The following COL21A1 variants were observed in gnomAD, a reference collection of about 807,000 sequenced individuals.
The protein encoded by COL21A1 is collagen type XXI alpha 1 chain.
Under a neutral mutation model 137.9 loss-of-function variants are expected in COL21A1, and 149 were observed. The ratio of observed to expected loss-of-function variants is 1.08; its 90% confidence interval spans 0.95 to 1.24. The LOEUF (loss-of-function observed/expected upper bound fraction) is 1.24. Ranked by LOEUF, COL21A1 falls within the 50% of genes most tolerant of loss-of-function variation. COL21A1 has a pLI of 0.00. For synonymous variants in COL21A1, 456 were observed against 391.5 expected, an observed-to-expected ratio of 1.16 and a Z score of -1.95; for missense variants, 1,167 against 1,158.4, an observed-to-expected ratio of 1.01 and a Z score of -0.11.
In COL21A1 at chr6:56,168,208, G is replaced by C. The variant is rs759846376; in HGVS notation, c.1116C>G (p.Asn372Lys). Residue 372 changes from asparagine (N) to lysine (K), a missense_variant, in exon 6 of 30, where the codon AAC becomes AAG. Physicochemically the swap from Asn to Lys is moderately conservative, Grantham distance 94 (BLOSUM62 0). Transcript: ENST00000244728. ...TLYIDDQQIE[N>K]KPLHPVLGIL... ...TCCCTAAAACTGGATGTAAGGGCTT[G>C]TTTTCAATTTGTTGGTCATCAATAT... 1 of 1,567,996 alleles carries C rather than the reference G, an allele frequency of 6.4e-7. No homozygotes were observed. Among genetic ancestry groups the C allele is most frequent in the African/African-American group, 1.3e-5 (1 of 74,426 alleles).
At chr6:56,125,492 ACTGCAATTCTAGTTTT>A in intron 14 of COL21A1, 59 bp downstream of exon 14, 1 of 1,003,726 alleles carries the variant, frequency 1.0e-6, no homozygotes, top group African/African-American at 1.6e-5. Context: ...CTGGGTTAGA[ACTGCAATTCTAGTTTT>A]CTGTTTCCAT....
chr6:56,130,285 T>C (rs1438991288), intron 12 of COL21A1, among the ~76,000 whole-genome samples: 1 of 148,890 alleles, frequency 6.7e-6, no homozygotes, highest in Non-Finnish European at 1.5e-5. Flanking sequence ...ATATTATATA[T>C]ATATATTTCC....
At chr6:56,341,601 G>T (rs548852433) in intron 1 of COL21A1, among the ~76,000 whole-genome samples, 2 of 152,270 alleles carry the variant, frequency 1.3e-5, no homozygotes, top group South Asian at 4.1e-4. Context: ...GAATAGGTGG[G>T]GCACAGAGGA....
intron 1 of COL21A1, among the ~76,000 whole-genome samples, chr6:56,366,108 T>C (rs1159677995): frequency 6.6e-6 from 1 of 152,144 alleles, no homozygotes; most frequent in Non-Finnish European, 1.5e-5. Context: ...GTTATGGAGT[T>C]TACTGGATTC....
chr6:56,371,666 C>T (rs1309141697), intron 1 of COL21A1, among the ~76,000 whole-genome samples: 3 of 152,190 alleles, frequency 2.0e-5, no homozygotes, highest in South Asian at 2.1e-4. Flanking sequence ...GCAGTTCAGC[C>T]TCTCATTGAC....
At chr6:56,320,940 T>C (rs1764849851) in intron 1 of COL21A1, among the ~76,000 whole-genome samples, 1 of 152,180 alleles carries the variant, frequency 6.6e-6, no homozygotes. Flanking sequence ...CTTTACTTAC[T>C]ACTTTATTTT....
chr6:56,373,172 T>C (rs1235968988), intron 1 of COL21A1, among the ~76,000 whole-genome samples: 4 of 152,192 alleles, frequency 2.6e-5, no homozygotes, highest in African/African-American at 9.7e-5. Flanking sequence ...GGCAATGGTG[T>C]CCTCACCGGA....
intron 17 of COL21A1, among the ~76,000 whole-genome samples, chr6:56,082,570 C>A (rs17751143): frequency 1.3e-5 from 2 of 151,576 alleles, no homozygotes; most frequent in Admixed American, 1.3e-4. Flanking sequence ...TTCAAAGACC[C>A]TTTTTAACTT....
intron 1 of COL21A1, among the ~76,000 whole-genome samples, chr6:56,332,315 T>A (rs1396439054): frequency 1.3e-5 from 2 of 152,054 alleles, no homozygotes; most frequent in Non-Finnish European, 2.9e-5. Context: ...ATGATTTCTT[T>A]AATCAGTGTT....
chr6:56,206,339 T>A (rs559657760), intron 1 of COL21A1, among the ~76,000 whole-genome samples: 2 of 147,440 alleles, frequency 1.4e-5, no homozygotes, highest in Admixed American at 6.7e-5. Flanking sequence ...GAGGTTGTAA[T>A]CCTAGTCTTT....
chr6:56,205,256 A>G (rs1285250224), intron 1 of COL21A1, among the ~76,000 whole-genome samples: 1 of 152,192 alleles, frequency 6.6e-6, no homozygotes, highest in African/African-American at 2.4e-5. Context: ...AGACAAATTG[A>G]TAACTAGAAT....
chr6:56,177,839 A>C (rs1777612066), intron 3 of COL21A1, among the ~76,000 whole-genome samples: 2 of 151,348 alleles, frequency 1.3e-5, no homozygotes, highest in Non-Finnish European at 2.9e-5. Context: ...CATCCATATA[A>C]ATTCCATAAG....
intron 16 of COL21A1, among the ~76,000 whole-genome samples, chr6:56,106,991 G>C (rs1770987108): frequency 6.6e-6 from 1 of 152,098 alleles, no homozygotes; most frequent in African/African-American, 2.4e-5. Flanking sequence ...GTTTCACCGT[G>C]TTAGCCAGGA....
intron 16 of COL21A1, among the ~76,000 whole-genome samples, chr6:56,114,318 G>A (rs1032449593): frequency 6.6e-6 from 1 of 152,174 alleles, no homozygotes; most frequent in Non-Finnish European, 1.5e-5. Context: ...GGTTACAGGG[G>A]TGCTTGTATC....
chr6:56,302,236 A>G (rs1211750604), intron 1 of COL21A1, among the ~76,000 whole-genome samples: 4 of 151,894 alleles, frequency 2.6e-5, no homozygotes, highest in African/African-American at 9.7e-5. Flanking sequence ...TCCTTTGGGT[A>G]TATACCCAGT....
chr6:56,102,736 C>A (rs1196990648), intron 16 of COL21A1, among the ~76,000 whole-genome samples: 1 of 152,102 alleles, frequency 6.6e-6, no homozygotes, highest in Non-Finnish European at 1.5e-5. Context: ...ACATAAACAA[C>A]AGTTCTCCCA....
At chr6:56,275,866 T>C (rs1763634847) in intron 1 of COL21A1, among the ~76,000 whole-genome samples, 1 of 152,218 alleles carries the variant, frequency 6.6e-6, no homozygotes, top group African/African-American at 2.4e-5. Context: ...GCAATCTCAT[T>C]ATTGGGTACA....
chr6:56,299,588 T>TGA, intron 1 of COL21A1, among the ~76,000 whole-genome samples: 1 of 152,206 alleles, frequency 6.6e-6, no homozygotes, highest in East Asian at 1.9e-4. Flanking sequence ...TACAGACTCA[T>TGA]ATGAAAAAAA....
At chr6:56,378,897 G>T (rs2094004307) in intron 1 of COL21A1, among the ~76,000 whole-genome samples, 1 of 152,214 alleles carries the variant, frequency 6.6e-6, no homozygotes. Flanking sequence ...GACTCTGTTT[G>T]TCTGGGAGAA....
Sources: allele counts gnomAD v4.1 joint callset (sites outside exome capture counted in the v4.1 genomes callset), GRCh38; gene constraint gnomAD v4.1.1; transcripts MANE v1.5; gene names NCBI Gene and HGNC (gene_info 2026-07-23, HGNC 2026-07-21).